Variants in MOGAT1 observed in about 807,000 individuals in gnomAD.
MOGAT1 encodes monoacylglycerol O-acyltransferase 1.
Under a neutral mutation model 31.4 loss-of-function variants are expected in MOGAT1, and 32 were observed. The observed-to-expected ratio is 1.02, with a 90% CI of 0.77 to 1.37. MOGAT1 has a LOEUF of 1.37. Among genes scored for constraint, MOGAT1 ranks in the 40% most tolerant of loss-of-function variants. MOGAT1 has a pLI of 0.00. For missense variants in MOGAT1, 426 were observed against 402.0 expected, an observed-to-expected ratio of 1.06 and a Z score of -0.51; for synonymous variants, 145 against 144.5, an observed-to-expected ratio of 1.00 and a Z score of -0.03.
At chr2:222,693,448 G>GTT (rs11331017) in intron 3 of MOGAT1, among the ~76,000 whole-genome samples, 37 of 116,180 alleles carry the variant, frequency 3.2e-4, no homozygotes, top group East Asian at 1.1e-3. Flanking sequence ...CAAATGTCTT[G>GTT]TTTTTTTTTT....
At chr2:222,673,435 C>A (rs1006858508) in intron 1 of MOGAT1, among the ~76,000 whole-genome samples, 1 of 151,406 alleles carries the variant, frequency 6.6e-6, no homozygotes. Context: ...GAGATAACAA[C>A]ACACGACCTT....
chr2:222,690,965 C>T (rs1331342314), intron 3 of MOGAT1, among the ~76,000 whole-genome samples: 1 of 152,184 alleles, frequency 6.6e-6, no homozygotes, highest in Non-Finnish European at 1.5e-5. Context: ...GTAATGTTTG[C>T]TTATTCAAAG....
chr2:222,673,337 A>AAAAAAAAT (rs1430054347), intron 1 of MOGAT1, among the ~76,000 whole-genome samples: 13 of 151,596 alleles, frequency 8.6e-5, no homozygotes, highest in Non-Finnish European at 1.6e-4. Context: ...TTACCAAAAA[A>AAAAAAAAT]AAAAAAAAAT....
intron 1 of MOGAT1, among the ~76,000 whole-genome samples, chr2:222,673,723 A>G (rs747610827): frequency 3.3e-5 from 5 of 152,202 alleles, no homozygotes; most frequent in Admixed American, 6.5e-5. Context: ...CGATCATTCA[A>G]CACATCTCTG....
chr2:222,706,928 C>G (rs1347166805), intron 5 of MOGAT1, among the ~76,000 whole-genome samples: 1 of 152,118 alleles, frequency 6.6e-6, no homozygotes, highest in African/African-American at 2.4e-5. Flanking sequence ...GCTGTGGTGG[C>G]TCACGCCGAC....
intron 5 of MOGAT1, among the ~76,000 whole-genome samples, chr2:222,701,680 G>C (rs1337188288): frequency 6.6e-6 from 1 of 151,650 alleles, no homozygotes; most frequent in Non-Finnish European, 1.5e-5. Flanking sequence ...AGAGAAAAGA[G>C]GGGTGGGCAT....
chr2:222,700,623 TG>T (rs1344926383), intron 5 of MOGAT1, among the ~76,000 whole-genome samples: 1 of 152,230 alleles, frequency 6.6e-6, no homozygotes, highest in East Asian at 1.9e-4. Flanking sequence ...GAGTCCATAA[TG>T]TAGAGCATCT....
chr2:222,700,379 A>G (rs781024137), intron 5 of MOGAT1, among the ~76,000 whole-genome samples: 1 of 152,216 alleles, frequency 6.6e-6, no homozygotes, highest in Non-Finnish European at 1.5e-5. Context: ...CTGCAACTGT[A>G]TTAACTTGTT....
At chr2:222,694,768 A>T (rs919993369) in intron 4 of MOGAT1, among the ~76,000 whole-genome samples, 4 of 152,218 alleles carry the variant, frequency 2.6e-5, no homozygotes, top group Admixed American at 1.3e-4. Flanking sequence ...CAACGAGAAC[A>T]ACAACAAAAA....
intron 1 of MOGAT1, among the ~76,000 whole-genome samples, chr2:222,684,600 A>G (rs916870546): frequency 1.2e-4 from 18 of 151,984 alleles, no homozygotes; most frequent in Admixed American, 5.9e-4. Context: ...TTTTTGAGAC[A>G]GAGTCTTGCC....
intron 5 of MOGAT1, among the ~76,000 whole-genome samples, chr2:222,695,794 G>C (rs920923938): frequency 1.3e-5 from 2 of 151,920 alleles, no homozygotes; most frequent in African/African-American, 4.8e-5. Context: ...GGTTTTTGGG[G>C]AACAGGTGGT....
intron 5 of MOGAT1, among the ~76,000 whole-genome samples, chr2:222,700,395 T>C (rs1692902056): frequency 6.6e-6 from 1 of 152,236 alleles, no homozygotes; most frequent in Non-Finnish European, 1.5e-5. Flanking sequence ...TTGTTTTCAC[T>C]CATACTTGTC....
chr2:222,709,863 A>G lies in MOGAT1; in HGVS notation c.981A>G (p.Pro327=). The G allele has an allele frequency of 6.2e-7, 1 of 1,611,786 alleles. No homozygotes were observed. The highest frequency in any genetic ancestry group is 8.5e-7 in the Non-Finnish European group (1 of 1,178,684). ...AACACAAAGGAAAGTATGGCATTCC[A>G]GAGCACGAGACTCTTGTTTTAAAAT... ...FEEHKGKYGI[P]EHETLVLK The change falls in exon 6 of 6, where the codon CCA becomes CCG. Residue 327 remains proline, a synonymous_variant. Transcript: ENST00000446656.
Position 222,699,002 on chromosome 2 carries a change from C to CT in MOGAT1, c.853+3734dup, listed in dbSNP as rs10587188. 3.2e-3 allele frequency: 379 copies of CT among 118,016 alleles called. 5 individuals are homozygous for CT. Among genetic ancestry groups the CT allele is most frequent in the East Asian group, 0.011 (47 of 4,422 alleles). 7.3% of individuals were successfully genotyped at this position (118,016 alleles called of 1,614,324 possible). A position where few individuals can be genotyped will look rare whatever the true frequency, so the allele number is the denominator to read the frequency against. On this transcript the variant is annotated intron_variant, in intron 5 of 5. Coordinates refer to ENST00000446656, the MANE Select transcript of MOGAT1 (RefSeq NM_058165.3). ...TTACATTTTTGCCAACTTTCACTGT[C>CT]TTTTTTTTTTTTTTTTTTTTGAGAC... is the stretch of plus-strand genomic sequence containing the variant.
At position 222,690,166 on chromosome 2, in the gene MOGAT1, GAT is replaced by G. The variant is rs1182636038; in HGVS notation, c.478+698_478+699del. Among the ~76,000 whole-genome samples, 17 of 152,170 alleles carry G rather than the reference GAT, an allele frequency of 1.1e-4. No individual in the cohort carries two copies. The South Asian group carries it at 3.3e-3, about 30-fold the overall frequency. ...ACTACTCAGGAGGCTGAGGTGGAAGGATCACCTGAGCTTGGGAGGTCAAGGCT... is the reference window on the plus strand; with the variant it reads ...ACTACTCAGGAGGCTGAGGTGGAAGGCACCTGAGCTTGGGAGGTCAAGGCT... On this transcript the variant is annotated intron_variant, in intron 3 of 5. Transcript: ENST00000446656.
chr2:222,672,632 AT>A (rs1381653045), intron 1 of MOGAT1, among the ~76,000 whole-genome samples: 5 of 151,988 alleles, frequency 3.3e-5, no homozygotes, highest in Admixed American at 2.0e-4. Flanking sequence ...GGAGGGAGGA[AT>A]TTGGGGGAGA....
Position 222,688,338 on chromosome 2 carries a change from T to G in MOGAT1, c.95-6T>G. 1 of 1,600,370 alleles carries G rather than the reference T, an allele frequency of 6.2e-7. No individual in the cohort carries two copies. Among genetic ancestry groups the G allele is most frequent in the Non-Finnish European group, 8.5e-7 (1 of 1,173,376 alleles). On this transcript the variant is annotated splice_region_variant and splice_polypyrimidine_tract_variant and intron_variant, in intron 1 of 5. Transcript: ENST00000446656. ...TGATTCCATGAGACTTTTTCTTTTC[T>G]TACAGGGCCGATGTCCATTGGAATC... is the stretch of plus-strand genomic sequence containing the variant.
intron 5 of MOGAT1, among the ~76,000 whole-genome samples, chr2:222,700,606 A>C (rs1277065965): frequency 6.6e-6 from 1 of 152,264 alleles, no homozygotes; most frequent in East Asian, 1.9e-4. Flanking sequence ...TTAAGGTATA[A>C]GAATGGGAGT....
intron 1 of MOGAT1, among the ~76,000 whole-genome samples, chr2:222,673,203 G>A (rs1445490879): frequency 2.7e-5 from 4 of 150,730 alleles, no homozygotes. Flanking sequence ...GTGAGCCACC[G>A]CGCCCGGCTC....
Sources: gnomAD v4.1 joint callset for allele counts (sites outside exome capture counted in the v4.1 genomes callset) on GRCh38, gnomAD v4.1.1 for gene constraint, MANE v1.5 for transcripts, NCBI Gene and HGNC (gene_info 2026-07-23, HGNC 2026-07-21) for gene names.